ATP2B2: variants seen among roughly 807,000 people sequenced by gnomAD.
ATP2B2 encodes the protein plasma membrane calcium-transporting ATPase 2.
A neutral mutation model predicts 120.0 loss-of-function variants in ATP2B2; 15 were observed. The ratio of observed to expected loss-of-function variants is 0.12; its 90% CI spans 0.08 to 0.19. The LOEUF (loss-of-function observed/expected upper bound fraction) is 0.19. Ranked by LOEUF, ATP2B2 falls within the 10% of genes least tolerant of loss-of-function variation. The pLI, the probability that ATP2B2 is intolerant of heterozygous loss-of-function variation, is 1.00. For synonymous variants in ATP2B2, 694 were observed against 700.3 expected, an observed-to-expected ratio of 0.99 and a Z score of 0.14; for missense variants, 1,045 against 1,719.8, an observed-to-expected ratio of 0.61 and a Z score of 6.94.
In ATP2B2 at chr3:10,328,882, C is replaced by T. The variant is rs764236179; in HGVS notation, c.3664G>A (p.Asp1222Asn). ...GAAGAGGTAGCTGATTTGCTTGTGTCGGTCGTCAGGTTGATCCCACTGTCG... is the reference window on the plus strand; with the variant it reads ...GAAGAGGTAGCTGATTTGCTTGTGTTGGTCGTCAGGTTGATCCCACTGTCG... ...AIDSGINLTT[D>N]TSKSATSSSP... Residue 1222 changes from aspartate (D) to asparagine (N), a missense_variant, in exon 23 of 23, where the codon GAC becomes AAC. Around this residue, in one of 11 missense-constraint regions of ATP2B2, gnomAD observed 211 missense variants for 385.1 expected, o/e 0.55. Transcript: ENST00000360273. 1.9e-6 allele frequency: 3 copies of T among 1,613,670 alleles called. No homozygotes were observed. Among genetic ancestry groups the T allele is most frequent in the Admixed American group, 1.7e-5 (1 of 59,968 alleles).
intron 1 of ATP2B2, among the ~76,000 whole-genome samples, chr3:10,485,846 T>C (rs1307355030): frequency 6.6e-6 from 1 of 151,612 alleles, no homozygotes; most frequent in African/African-American, 2.4e-5. Flanking sequence ...CTCTTGGGAG[T>C]CAGGAAGGGT....
intron 2 of ATP2B2, among the ~76,000 whole-genome samples, chr3:10,614,174 G>C (rs1005689898): frequency 6.6e-6 from 1 of 152,032 alleles, no homozygotes; most frequent in Non-Finnish European, 1.5e-5. Context: ...ATCTCCCTTA[G>C]GAGAATGTCA....
At chr3:10,582,069 C>T (rs1168877536) in intron 2 of ATP2B2, among the ~76,000 whole-genome samples, 2 of 152,198 alleles carry the variant, frequency 1.3e-5, no homozygotes, top group African/African-American at 4.8e-5. Context: ...TCAATGAACA[C>T]AAATCTTATT....
At chr3:10,683,764 A>ATG (rs1559520137) in intron 1 of ATP2B2, among the ~76,000 whole-genome samples, 2 of 25,738 alleles carry the variant, frequency 7.8e-5, no homozygotes, top group Admixed American at 8.8e-4. Context: ...GTGTGTGTAT[A>ATG]TATATATATA....
intron 2 of ATP2B2, among the ~76,000 whole-genome samples, chr3:10,601,096 C>T (rs544091692): frequency 9.2e-5 from 14 of 152,296 alleles, no homozygotes; most frequent in African/African-American, 2.9e-4. Context: ...TCCGGCCTTG[C>T]GGGCTTGCCC....
At chr3:10,539,005 G>A (rs2067376704) in intron 2 of ATP2B2, among the ~76,000 whole-genome samples, 2 of 152,168 alleles carry the variant, frequency 1.3e-5, no homozygotes, top group Admixed American at 1.3e-4. Flanking sequence ...ATCTTCTTAA[G>A]CTAATAAGCA....
At chr3:10,475,156 C>T (rs182709612) in intron 1 of ATP2B2, among the ~76,000 whole-genome samples, 1 of 152,222 alleles carries the variant, frequency 6.6e-6, no homozygotes, top group East Asian at 1.9e-4. Flanking sequence ...GAGCCTCCCA[C>T]CTGCCACTGC....
intron 8 of ATP2B2, among the ~76,000 whole-genome samples, chr3:10,379,694 G>C (rs2061478123): frequency 6.6e-6 from 1 of 152,164 alleles, no homozygotes. Flanking sequence ...AGAAGGCAAA[G>C]GGAAGCTTGT....
chr3:10,707,685 C>T (rs1159016920), intron 1 of ATP2B2, among the ~76,000 whole-genome samples: 1 of 152,024 alleles, frequency 6.6e-6, no homozygotes, highest in Non-Finnish European at 1.5e-5. Flanking sequence ...GACGCCCACC[C>T]CGGCCCGCCC....
chr3:10,377,227 A>T (rs2061406419), intron 10 of ATP2B2, among the ~76,000 whole-genome samples: 1 of 152,078 alleles, frequency 6.6e-6, no homozygotes, highest in Admixed American at 6.5e-5. Flanking sequence ...CGATGGCGGT[A>T]TAGAGGATAG....
chr3:10,437,373 G>T (rs779619812), intron 2 of ATP2B2, among the ~76,000 whole-genome samples: 3 of 152,170 alleles, frequency 2.0e-5, no homozygotes, highest in Non-Finnish European at 4.4e-5. Flanking sequence ...CACAGCCCAG[G>T]AATAAGAATG....
chr3:10,511,673 G>A (rs964125266), intron 3 of ATP2B2, among the ~76,000 whole-genome samples: 1 of 152,176 alleles, frequency 6.6e-6, no homozygotes, highest in Admixed American at 6.5e-5. Context: ...ACTGGGACCA[G>A]CGTGCTTGAG....
chr3:10,627,130 G>A (rs2069726068), intron 1 of ATP2B2, among the ~76,000 whole-genome samples: 1 of 152,220 alleles, frequency 6.6e-6, no homozygotes, highest in South Asian at 2.1e-4. Flanking sequence ...TTTAAGGCCT[G>A]CCAGATGCCA....
At chr3:10,528,080 T>G (rs1037076382) in intron 3 of ATP2B2, among the ~76,000 whole-genome samples, 4 of 152,182 alleles carry the variant, frequency 2.6e-5, no homozygotes, top group African/African-American at 9.7e-5. Context: ...GGCATAACTC[T>G]GTACCCCTGG....
intron 3 of ATP2B2, among the ~76,000 whole-genome samples, chr3:10,530,191 G>A (rs997319295): frequency 5.9e-5 from 9 of 152,196 alleles, no homozygotes; most frequent in South Asian, 2.1e-4. Flanking sequence ...CATTTGAGGC[G>A]ATTGTTCCCA....
At chr3:10,434,657 C>T (rs2063420805) in intron 2 of ATP2B2, among the ~76,000 whole-genome samples, 1 of 152,240 alleles carries the variant, frequency 6.6e-6, no homozygotes, top group South Asian at 2.1e-4. Context: ...GCAGAGGAGC[C>T]AATGCTGGAC....
intron 13 of ATP2B2, among the ~76,000 whole-genome samples, chr3:10,359,625 G>T (rs144421425): frequency 6.6e-6 from 1 of 152,322 alleles, no homozygotes; most frequent in African/African-American, 2.4e-5. Flanking sequence ...GGAGGAGAAG[G>T]GGGAGGACTC....
chr3:10,559,533 G>GAA (rs34129989), intron 2 of ATP2B2, among the ~76,000 whole-genome samples: 3,143 of 148,556 alleles, frequency 0.021, 56 homozygotes, highest in Admixed American at 0.041. Flanking sequence ...AAAAGAAAAG[G>GAA]AAAAAAAAAA....
Position 10,449,564 on chromosome 3 carries a change from G to A in ATP2B2, c.-21C>T, listed in dbSNP as rs780343765. ...CCCATGTTTGCTGCGGTCCTTGCTC[G>A]GGCTGGGCCCAAGGGTCAGCGCTGG... On this transcript the variant is annotated 5_prime_UTR_variant, in exon 2 of 23. Transcript: ENST00000360273. 6 of 1,614,116 alleles carry A rather than the reference G, an allele frequency of 3.7e-6. No homozygotes were observed. The highest frequency in any genetic ancestry group is 1.1e-5 in the South Asian group (1 of 91,076).
Sources: gnomAD v4.1 joint callset for allele counts (sites outside exome capture counted in the v4.1 genomes callset) on GRCh38, gnomAD v4.1.1 for gene constraint, gnomAD v4.1.1 regional missense constraint, MANE v1.5 for transcripts, NCBI Gene and HGNC (gene_info 2026-07-23, HGNC 2026-07-21) for gene names.